Variants in GPHN observed in about 807,000 individuals in gnomAD.
GPHN encodes the protein gephyrin.
In GPHN, 17 loss-of-function variants were observed where a neutral mutation model predicts 95.5. The observed-to-expected ratio is 0.18, with a 90% confidence interval of 0.12 to 0.27. The LOEUF (loss-of-function observed/expected upper bound fraction) is 0.27. Among genes scored for constraint, GPHN ranks in the 10% least tolerant of loss-of-function variants. The probability of loss-of-function intolerance (pLI) is 1.00; values close to 1 mark genes in which losing one functional copy is unlikely to be tolerated. For synonymous variants in GPHN, 320 were observed against 322.5 expected (o/e 0.99, Z 0.08); for missense variants, 660 against 978.1 (o/e 0.67, Z 4.34).
chr14:67,586,905 C>A, the GPHN span: 1 of 1,533,932 alleles, frequency 6.5e-7, no homozygotes, highest in African/African-American at 1.4e-5. Context: ...ACCACTGGGC[C>A]TCTGAACAGC....
chr14:67,068,412 A>G (rs546445537), intron 11 of GPHN, among the ~76,000 whole-genome samples: 1 of 152,216 alleles, frequency 6.6e-6, no homozygotes, highest in Non-Finnish European at 1.5e-5. Context: ...ATAACTATGG[A>G]TGATAACATT....
At chr14:66,982,018 G>T (rs1339592854) in intron 9 of GPHN, among the ~76,000 whole-genome samples, 1 of 152,092 alleles carries the variant, frequency 6.6e-6, no homozygotes, top group East Asian at 1.9e-4. Context: ...AAATATGAAT[G>T]TATATACCCA....
At chr14:67,327,112 T>C in the GPHN span, among the ~76,000 whole-genome samples, 651 of 152,100 alleles carry the variant, frequency 4.3e-3, 25 homozygotes, top group East Asian at 0.1. Context: ...GAGGTGGAGG[T>C]TGCAGTGAAC....
chr14:66,875,300 A>T (rs929100593), intron 4 of GPHN, among the ~76,000 whole-genome samples: 2 of 152,126 alleles, frequency 1.3e-5, no homozygotes, highest in Non-Finnish European at 2.9e-5. Flanking sequence ...CTACTGCAAA[A>T]ACATAGCTAA....
the GPHN span, among the ~76,000 whole-genome samples, chr14:67,719,707 G>C: frequency 6.6e-6 from 1 of 152,082 alleles, no homozygotes; most frequent in Non-Finnish European, 1.5e-5. Flanking sequence ...TGAACTTCTG[G>C]TCTCACGTGA....
chr14:66,910,860 A>G (rs762608054), intron 5 of GPHN, among the ~76,000 whole-genome samples: 7 of 152,000 alleles, frequency 4.6e-5, no homozygotes, highest in Non-Finnish European at 7.4e-5. Context: ...GTCGTGACCT[A>G]CAATTTGAAG....
chr14:67,357,954 A>G, the GPHN span, among the ~76,000 whole-genome samples: 2 of 152,348 alleles, frequency 1.3e-5, no homozygotes, highest in South Asian at 2.1e-4. Flanking sequence ...CAGAGTTGGA[A>G]GAGATACATA....
the GPHN span, chr14:67,585,539 T>C: frequency 5.5e-6 from 8 of 1,444,950 alleles, no homozygotes; most frequent in South Asian, 9.8e-5. Flanking sequence ...ACTATGGATA[T>C]ATCTGATGGG....
At chr14:67,541,387 T>C in the GPHN span, among the ~76,000 whole-genome samples, 14 of 152,210 alleles carry the variant, frequency 9.2e-5, no homozygotes, top group Non-Finnish European at 1.6e-4. Context: ...TATGACTACA[T>C]TGTAATTAGA....
chr14:67,662,582 A>AT, the GPHN span: 1 of 1,529,402 alleles, frequency 6.5e-7, no homozygotes, highest in Non-Finnish European at 9.0e-7. Flanking sequence ...GTTTCCACAC[A>AT]TTTGTAAAGG....
intron 3 of GPHN, among the ~76,000 whole-genome samples, chr14:66,793,289 G>T (rs902955531): frequency 3.2e-4 from 49 of 152,164 alleles, no homozygotes; most frequent in African/African-American, 1.1e-3. Flanking sequence ...ATGTATAATT[G>T]GTTGAACCTA....
At chr14:67,086,284 T>C (rs2076879213) in intron 11 of GPHN, among the ~76,000 whole-genome samples, 1 of 152,174 alleles carries the variant, frequency 6.6e-6, no homozygotes, top group Non-Finnish European at 1.5e-5. Flanking sequence ...TTTTTAAATG[T>C]GAGAGATATA....
chr14:66,774,289 A>G (rs1301344543), intron 2 of GPHN, among the ~76,000 whole-genome samples: 2 of 152,148 alleles, frequency 1.3e-5, no homozygotes, highest in Non-Finnish European at 2.9e-5. Flanking sequence ...GGCATGAGCC[A>G]CCGCGCCCGG....
chr14:67,481,269 A>G, the GPHN span, among the ~76,000 whole-genome samples: 1 of 152,208 alleles, frequency 6.6e-6, no homozygotes, highest in Non-Finnish European at 1.5e-5. Context: ...GACAATGAGC[A>G]AGACCCTGTC....
chr14:67,153,344 G>A (rs756325992), intron 18 of GPHN, among the ~76,000 whole-genome samples: 2 of 152,176 alleles, frequency 1.3e-5, no homozygotes, highest in Non-Finnish European at 2.9e-5. Flanking sequence ...TCTGAAGGTT[G>A]GGAAATCCAA....
chr14:67,123,607 C>T (rs2079128211), intron 17 of GPHN, among the ~76,000 whole-genome samples: 1 of 151,996 alleles, frequency 6.6e-6, no homozygotes, highest in Non-Finnish European at 1.5e-5. Context: ...GCCTGGGGGG[C>T]GGAGGTTGAA....
At chr14:67,569,177 C>T in the GPHN span, 1 of 1,613,082 alleles carries the variant, frequency 6.2e-7, no homozygotes, top group Non-Finnish European at 8.5e-7. Context: ...GGGCATGCGG[C>T]TCTCAGATAT....
the GPHN span, chr14:67,562,098 C>A: frequency 6.2e-7 from 1 of 1,610,524 alleles, no homozygotes; most frequent in African/African-American, 1.3e-5. Flanking sequence ...GGCTGAGCTA[C>A]GGGAGCTCTC....
At chr14:66,615,572 T>C (rs552274272) in intron 1 of GPHN, among the ~76,000 whole-genome samples, 21 of 152,124 alleles carry the variant, frequency 1.4e-4, no homozygotes, top group Non-Finnish European at 2.5e-4. Flanking sequence ...GGGTTATTTT[T>C]TTCTTGTAAA....
Sources: gnomAD v4.1 joint callset for allele counts (sites outside exome capture counted in the v4.1 genomes callset) on GRCh38, gnomAD v4.1.1 for gene constraint, MANE v1.5 for transcripts, NCBI Gene and HGNC (gene_info 2026-07-23, HGNC 2026-07-21) for gene names.